Variants in IQGAP2 observed in about 807,000 individuals in gnomAD.
The protein encoded by IQGAP2 is ras GTPase-activating-like protein IQGAP2.
Under a neutral mutation model 201.3 loss-of-function variants are expected in IQGAP2, and 173 were observed. The observed-to-expected ratio is 0.86, with a 90% confidence interval of 0.76 to 0.98. The LOEUF is 0.98. Ranked by LOEUF, IQGAP2 falls within the 50% of genes least tolerant of loss-of-function variation. The pLI is 0.00. For missense variants in IQGAP2, 1,687 were observed against 1,864.8 expected (o/e 0.90, Z 1.76); for synonymous variants, 675 against 673.9 (o/e 1.00, Z -0.03).
chr5:76,676,731 A>G (rs902788684), intron 27 of IQGAP2, among the ~76,000 whole-genome samples: 1 of 152,180 alleles, frequency 6.6e-6, no homozygotes, highest in Non-Finnish European at 1.5e-5. Context: ...GAGTAGACTT[A>G]ATCTCATTTT....
intron 13 of IQGAP2, among the ~76,000 whole-genome samples, chr5:76,622,937 T>C (rs1175019033): frequency 6.6e-6 from 1 of 152,242 alleles, no homozygotes. Context: ...ATCTTGAATA[T>C]GCCACACATT....
intron 30 of IQGAP2, among the ~76,000 whole-genome samples, chr5:76,693,031 C>T (rs1013206682): frequency 1.2e-4 from 19 of 152,174 alleles, no homozygotes; most frequent in African/African-American, 4.1e-4. Context: ...ACTTGCTCCC[C>T]CTGCCCATCA....
At chr5:76,539,186 A>G (rs904521499) in intron 2 of IQGAP2, among the ~76,000 whole-genome samples, 5 of 152,174 alleles carry the variant, frequency 3.3e-5, no homozygotes, top group Non-Finnish European at 5.9e-5. Flanking sequence ...CACTCCTTCA[A>G]AAGGAACTGT....
chr5:76,649,927 A>G (rs1443424106), intron 17 of IQGAP2, among the ~76,000 whole-genome samples: 4 of 152,216 alleles, frequency 2.6e-5, no homozygotes, highest in African/African-American at 4.8e-5. Flanking sequence ...CAGGCTTAAC[A>G]TGACATGGAA....
chr5:76,511,942 A>G (rs1345163416), intron 2 of IQGAP2, among the ~76,000 whole-genome samples: 2 of 152,072 alleles, frequency 1.3e-5, no homozygotes, highest in African/African-American at 2.4e-5. Context: ...GGCCTCCCAA[A>G]GTGCTGGGAT....
intron 2 of IQGAP2, among the ~76,000 whole-genome samples, chr5:76,500,780 G>C (rs534740130): frequency 1.6e-4 from 25 of 152,060 alleles, no homozygotes; most frequent in African/African-American, 6.0e-4. Flanking sequence ...CTTATCTTTA[G>C]AGCTCAAGGT....
intron 2 of IQGAP2, among the ~76,000 whole-genome samples, chr5:76,560,449 G>A (rs981438654): frequency 6.6e-6 from 1 of 151,854 alleles, no homozygotes; most frequent in Admixed American, 6.6e-5. Flanking sequence ...GAGCCATAGC[G>A]CCCAGTGTAA....
Position 76,562,406 on chromosome 5 carries a change from G to T in IQGAP2, c.157G>T (p.Val53Phe). The change falls in exon 3 of 36, where the codon GTT becomes TTT. Residue 53 changes from valine to phenylalanine, a missense_variant. Physicochemically the swap from Val to Phe is conservative, Grantham distance 50. Transcript: ENST00000274364. ...TTTTAATCTCTTTAGGTGGATGGAA[G>T]TTTGCTTAGTTGAAGAATTGCCACC... ...HLEEAKRWME[V>F]CLVEELPPTT... 1 of 1,611,986 alleles carries T rather than the reference G, an allele frequency of 6.2e-7. No individual in the cohort carries two copies. Among genetic ancestry groups the T allele is most frequent in the Non-Finnish European group, 8.5e-7 (1 of 1,179,040 alleles).
rs180745877 is a variant in IQGAP2, at chr5:76,637,792, A to G, written c.1923+616A>G. On this transcript the variant is annotated intron_variant, in intron 16 of 35. Transcript: ENST00000274364. ...CCCATGTCCAAATGTAAGTGCAAAC[A>G]TCACAATTGAGTGTATCTTATACTT... 5.9e-5 allele frequency among the ~76,000 whole-genome samples: 9 copies of G among 152,398 alleles called. No individual in the cohort carries two copies. In the East Asian group the frequency reaches 1.3e-3, roughly 23 times the overall value.
At chr5:76,672,560 A>G (rs1744430338) in intron 24 of IQGAP2, among the ~76,000 whole-genome samples, 1 of 152,226 alleles carries the variant, frequency 6.6e-6, no homozygotes, top group South Asian at 2.1e-4. Flanking sequence ...TATAGCACAT[A>G]ATGGAATAAG....
At chr5:76,482,170 T>C (rs1380731971) in intron 2 of IQGAP2, among the ~76,000 whole-genome samples, 1 of 152,232 alleles carries the variant, frequency 6.6e-6, no homozygotes, top group Non-Finnish European at 1.5e-5. Context: ...TGCACCTGCC[T>C]TACCTTTTCC....
At chr5:76,588,692 A>G (rs1420749173) in intron 5 of IQGAP2, among the ~76,000 whole-genome samples, 2 of 152,208 alleles carry the variant, frequency 1.3e-5, no homozygotes. Context: ...GGATTACAGT[A>G]GAAGACCAGT....
chr5:76,681,836 T>C (rs983082100), intron 28 of IQGAP2, among the ~76,000 whole-genome samples: 1 of 152,220 alleles, frequency 6.6e-6, no homozygotes, highest in African/African-American at 2.4e-5. Flanking sequence ...GCCAAGCGTC[T>C]ATCACTAGAT....
intron 28 of IQGAP2, among the ~76,000 whole-genome samples, chr5:76,681,204 A>G (rs1022563874): frequency 4.9e-4 from 75 of 152,130 alleles, no homozygotes; most frequent in African/African-American, 1.7e-3. Context: ...AAGAAATCCT[A>G]CAACTCAATG....
chr5:76,606,135 A>G (rs768365820), intron 11 of IQGAP2, 44 bp from the exon 12 acceptor site: 4 of 1,532,922 alleles, frequency 2.6e-6, no homozygotes, highest in African/African-American at 1.4e-5. Context: ...GGAACGAAGA[A>G]TGAATGTCTC....
intron 1 of IQGAP2, among the ~76,000 whole-genome samples, chr5:76,426,492 C>T (rs920444447): frequency 1.3e-5 from 2 of 152,174 alleles, no homozygotes; most frequent in African/African-American, 2.4e-5. Flanking sequence ...AAGGGGAAGC[C>T]GGGTTCCTTT....
intron 2 of IQGAP2, among the ~76,000 whole-genome samples, chr5:76,509,479 C>T (rs1757823978): frequency 6.6e-6 from 1 of 151,728 alleles, no homozygotes; most frequent in South Asian, 2.1e-4. Context: ...TCACTGCAAG[C>T]TCCGCCTCCC....
intron 23 of IQGAP2, among the ~76,000 whole-genome samples, chr5:76,669,306 A>G (rs531612143): frequency 7.5e-4 from 115 of 152,360 alleles, no homozygotes; most frequent in African/African-American, 2.6e-3. Context: ...AACAAGCATG[A>G]GAAATGTCCT....
chr5:76,611,268 T>TAAA, intron 13 of IQGAP2, 85 bp downstream of exon 13: 1 of 956,528 alleles, frequency 1.0e-6, no homozygotes, highest in Non-Finnish European at 1.6e-6. Flanking sequence ...CCCATTTACG[T>TAAA]TAAATCTCAT....
Sources: allele counts gnomAD v4.1 joint callset (sites outside exome capture counted in the v4.1 genomes callset), GRCh38; gene constraint gnomAD v4.1.1; transcripts MANE v1.5; gene names NCBI Gene and HGNC (gene_info 2026-07-23, HGNC 2026-07-21).